Variants in KIR2DL4 observed in about 807,000 individuals in gnomAD.
KIR2DL4 encodes killer cell immunoglobulin like receptor, two Ig domains and long cytoplasmic tail 4, also known as killer cell immunoglobulin-like receptor 2DL4.
KIR2DL4 carries 41 observed loss-of-function variants against 31.0 expected under a neutral mutation model. The observed-to-expected ratio is 1.32, with a 90% CI of 1.03 to 1.72. The LOEUF (loss-of-function observed/expected upper bound fraction) is 1.72. Among genes scored for constraint, KIR2DL4 ranks in the 40% most tolerant of loss-of-function variants. KIR2DL4 has a pLI of 0.00. For synonymous variants in KIR2DL4, 164 were observed against 133.6 expected (o/e 1.23, Z -1.57); for missense variants, 438 against 353.7 (o/e 1.24, Z -1.91).
At chr19:54,803,778 CA>C in intron 1 of KIR2DL4, 87 bp downstream of exon 1, 2 of 1,568,446 alleles carry the variant, frequency 1.3e-6, no homozygotes, top group Non-Finnish European at 1.8e-6. Context: ...TGTTCTGAAG[CA>C]AGTGAGTGGT....
Position 54,806,354 on chromosome 19 carries a change from C to T in KIR2DL4, c.655+110C>T, listed in dbSNP as rs1352784419. ...GGACAGATGTGGAGAGAAGATGCAG[C>T]ATGGTGTGAGGGTGGGATCAGGGCA... On this transcript the variant is annotated intron_variant, in intron 4 of 7. Coordinates refer to ENST00000359085, the Ensembl canonical transcript of KIR2DL4. 2.0e-5 allele frequency: 25 copies of T among 1,238,418 alleles called. No individual in the cohort carries two copies. The East Asian group carries it at 4.2e-4, about 21-fold the overall frequency. 76.7% of individuals were successfully genotyped at this position (1,238,418 alleles called of 1,614,324 possible).
exon 8 of KIR2DL4, chr19:54,814,414 C>T (rs1236156668): frequency 4.9e-6 from 2 of 405,660 alleles, no homozygotes; most frequent in Non-Finnish European, 8.9e-6. Context: ...GCTGTTCCAC[C>T]TTTCCTCAGA....
intron 6 of KIR2DL4, 82 bp from the exon 6 acceptor site, chr19:54,813,608 C>A (rs1386559479): frequency 7.0e-7 from 1 of 1,427,372 alleles, no homozygotes; most frequent in African/African-American, 1.4e-5. Context: ...CTATGGCCTC[C>A]CCCTGTGTGT....
chr19:54,813,879 C>T (rs200048434), exon 8 of KIR2DL4: 7 of 1,612,390 alleles, frequency 4.3e-6, no homozygotes, highest in African/African-American at 1.3e-5. Flanking sequence ...GTGACATACG[C>T]ACAGTTGGAT....
chr19:54,806,056 A>G (rs922176187), exon 4 of KIR2DL4: 11 of 1,611,628 alleles, frequency 6.8e-6, no homozygotes, highest in Admixed American at 3.3e-5. Flanking sequence ...GACATCTACC[A>G]TCTATCCAGG....
intron 5 of KIR2DL4, chr19:54,812,979 G>A (rs2060953669): frequency 3.4e-6 from 2 of 590,228 alleles, no homozygotes; most frequent in Non-Finnish European, 5.7e-6. Flanking sequence ...AACGGAGAAA[G>A]CAGGAGAAAG....
In KIR2DL4 at chr19:54,805,026, T is replaced by TC. The variant is rs1569354520; in HGVS notation, c.315dup (p.Thr106HisfsTer2). The TC allele has an allele frequency of 3.1e-6, 5 of 1,610,842 alleles. No individual in the cohort carries two copies. The highest frequency in any genetic ancestry group is 4.2e-6 in the Non-Finnish European group (5 of 1,179,298). ...CAGATGTCGAGGTTTTCACCCGCAC[T>TC]CCCCCACTGAGTGGTCGGCACCCAG... is the stretch of plus-strand genomic sequence containing the variant. On this transcript the variant is annotated frameshift_variant, in exon 3 of 8. Transcript: ENST00000359085. LOFTEE classifies it high-confidence loss of function.
Position 54,807,879 on chromosome 19 carries a change from C to T in KIR2DL4, c.656-954C>T, listed in dbSNP as rs1158386670. ...GTTTTGTCTGTCTCTGAGATAAAAC[C>T]CATTGTAATGGGGTGAGATGATAGC... On this transcript the variant is annotated intron_variant, in intron 4 of 7. Coordinates refer to ENST00000359085, the Ensembl canonical transcript of KIR2DL4. Among the ~76,000 whole-genome samples, 27 of 150,346 alleles carry T rather than the reference C, an allele frequency of 1.8e-4. 1 individual carries two copies. Among genetic ancestry groups the T allele is most frequent in the African/African-American group, 6.7e-4 (27 of 40,488 alleles).
chr19:54,806,022 T>C (rs2147897097), exon 4 of KIR2DL4: 2 of 1,611,198 alleles, frequency 1.2e-6, no homozygotes, highest in Admixed American at 1.7e-5. Context: ...CGTGACCTTG[T>C]CCTGCAGCTC....
chr19:54,811,539 A>T (rs1314226183), intron 5 of KIR2DL4, among the ~76,000 whole-genome samples: 13 of 151,174 alleles, frequency 8.6e-5, no homozygotes, highest in African/African-American at 3.2e-4. Context: ...TCAGGCGAAA[A>T]CATCTTCCTT....
intron 3 of KIR2DL4, 51 bp from the exon 4 acceptor site, chr19:54,805,900 A>G: frequency 6.7e-7 from 1 of 1,494,866 alleles, no homozygotes; most frequent in Non-Finnish European, 9.1e-7. Context: ...GTGGGAGGGG[A>G]GCTGTGACAA....
At chr19:54,810,822 G>A (rs1193257445) in intron 5 of KIR2DL4, among the ~76,000 whole-genome samples, 1 of 151,314 alleles carries the variant, frequency 6.6e-6, no homozygotes, top group Non-Finnish European at 1.5e-5. Context: ...GGAGGCCCAG[G>A]TGCATAACTG....
chr19:54,806,336 T>C (rs1451327144), intron 4 of KIR2DL4, 92 bp downstream of exon 4: 2 of 1,354,522 alleles, frequency 1.5e-6, no homozygotes, highest in African/African-American at 3.0e-5. Context: ...CATGGACAGA[T>C]GTGGAGAGAA....
intron 4 of KIR2DL4, among the ~76,000 whole-genome samples, chr19:54,807,503 C>T (rs1347435192): frequency 6.6e-6 from 1 of 151,036 alleles, no homozygotes; most frequent in Non-Finnish European, 1.5e-5. Flanking sequence ...AATGGCACCA[C>T]CTGGGCTCAC....
chr19:54,812,603 C>T lies in KIR2DL4; in HGVS notation c.707-522C>T, dbSNP rs370860392. Among the ~76,000 whole-genome samples the T allele has an allele frequency of 9.4e-4, 141 of 150,090 alleles. 2 individuals are homozygous for T. The highest frequency in any genetic ancestry group is 3.4e-3 in the African/African-American group (138 of 40,264). ...ACGCTGTACTAGAAGCAGGACACTA[C>T]CATCTATTTCTGGCTGCGGCCTCAG... On this transcript the variant is annotated intron_variant, in intron 5 of 7. Coordinates refer to ENST00000359085, the Ensembl canonical transcript of KIR2DL4.
At position 54,813,748 on chromosome 19, in the gene KIR2DL4, TCC is replaced by T; in HGVS notation, c.*41+7_*41+8del. ...ACAGAACAGTGAACAGGGAGGTAGG[TCC>T]TCCTAGCCCAGCCTCATGGATACAG... On this transcript the variant is annotated splice_region_variant and intron_variant, in intron 7 of 7. Transcript: ENST00000359085. 5 of 1,611,406 alleles carry T rather than the reference TCC, an allele frequency of 3.1e-6. No homozygotes were observed. The African/African-American group carries it at 6.7e-5, about 22-fold the overall frequency.
At position 54,806,139 on chromosome 19, in the gene KIR2DL4, C is replaced by G. The variant is rs752494082; in HGVS notation, c.550C>G (p.Leu184Val). Residue 184 changes from leucine to valine, a missense_variant, in exon 4 of 8, where the codon CTG (leucine) becomes GTG (valine). Physicochemically the swap from Leu to Val is conservative, Grantham distance 32. Transcript: ENST00000359085. ...TGGAACATTCCAGGCCGACTTCCCT[C>G]TGGGTCCTGCCACCCACGGAGAGAC... The G allele has an allele frequency of 1.1e-3, 1,845 of 1,612,148 alleles. 21 individuals carry two copies. Among genetic ancestry groups the G allele is most frequent in the Non-Finnish European group, 1.4e-3 (1,696 of 1,179,676 alleles).
At chr19:54,814,315 A>G (rs2061083652) in exon 8 of KIR2DL4, 24 of 600,446 alleles carry the variant, frequency 4.0e-5, no homozygotes, top group African/African-American at 5.6e-5. Context: ...TTGAGGCTGC[A>G]ATCACACTGA....
exon 8 of KIR2DL4, chr19:54,814,399 C>G: frequency 4.5e-6 from 2 of 444,366 alleles, no homozygotes; most frequent in Non-Finnish European, 8.1e-6. Context: ...TCCACCTTCC[C>G]TCGTGCTGTT....
Sources: allele counts gnomAD v4.1 joint callset (sites outside exome capture counted in the v4.1 genomes callset), GRCh38; gene constraint gnomAD v4.1.1; transcripts MANE v1.5; gene names NCBI Gene and HGNC (gene_info 2026-07-23, HGNC 2026-07-21).